The following COL4A2 variants were observed in gnomAD, a reference collection of about 807,000 sequenced individuals.
The protein encoded by COL4A2 is collagen alpha-2(IV) chain.
In COL4A2, 99 loss-of-function variants were observed where a neutral mutation model predicts 200.2. The observed-to-expected ratio is 0.49, with a 90% CI of 0.42 to 0.58. The LOEUF (loss-of-function observed/expected upper bound fraction) is 0.58. COL4A2 is among the 20% of genes least tolerant of loss of function. The pLI, the probability that COL4A2 is intolerant of heterozygous loss-of-function variation, is 0.00. For missense variants in COL4A2, 1,950 were observed against 2,314.1 expected (o/e 0.84, Z 3.23); for synonymous variants, 897 against 900.6 (o/e 1.00, Z 0.07).
At chr13:110,315,643 A>C (rs7321461) in intron 3 of COL4A2, among the ~76,000 whole-genome samples, 14,064 of 152,006 alleles carry the variant, frequency 0.093, 1,156 homozygotes, top group East Asian at 0.38. Flanking sequence ...TGATCCGCCT[A>C]CCTCAGCCTC....
chr13:110,505,167 G>A lies in COL4A2; in HGVS notation c.4402+903G>A, dbSNP rs191454257. The stretch of plus-strand genomic sequence containing the variant: ...AGATCGAGACCATCCTGGCTAACAC[G>A]GTGAAACCCCGTCTCTACTAAAAAT... On this transcript the variant is annotated intron_variant, in intron 45 of 47. Transcript: ENST00000360467. 8.9e-4 allele frequency among the ~76,000 whole-genome samples: 135 copies of A among 151,510 alleles called. 3 individuals carry two copies. Among genetic ancestry groups the A allele is most frequent in the South Asian group, 3.8e-3 (18 of 4,786 alleles).
chr13:110,427,176 C>T (rs1235086504), intron 6 of COL4A2, among the ~76,000 whole-genome samples: 1 of 152,182 alleles, frequency 6.6e-6, no homozygotes, highest in Non-Finnish European at 1.5e-5. Flanking sequence ...TGTTTTGAGA[C>T]AGAGTCTTGT....
chr13:110,427,772 T>G (rs1326096972), intron 6 of COL4A2, among the ~76,000 whole-genome samples: 2 of 152,236 alleles, frequency 1.3e-5, no homozygotes, highest in Non-Finnish European at 2.9e-5. Context: ...CTTGGCTGTG[T>G]TGCCTTTCCC....
intron 4 of COL4A2, among the ~76,000 whole-genome samples, chr13:110,398,997 A>G (rs1367385875): frequency 6.6e-6 from 1 of 152,154 alleles, no homozygotes; most frequent in East Asian, 1.9e-4. Flanking sequence ...TTTAGTTGTA[A>G]GAAGCTTTTT....
intron 37 of COL4A2, among the ~76,000 whole-genome samples, chr13:110,491,798 C>T (rs943202297): frequency 3.3e-5 from 5 of 152,210 alleles, no homozygotes; most frequent in Non-Finnish European, 7.3e-5. Context: ...AGGGTCCTCT[C>T]CAGACGTCTA....
intron 4 of COL4A2, among the ~76,000 whole-genome samples, chr13:110,375,902 T>G (rs1329159878): frequency 6.6e-6 from 1 of 152,092 alleles, no homozygotes; most frequent in Non-Finnish European, 1.5e-5. Context: ...TCCGTACAAG[T>G]TTTTATTCAT....
At chr13:110,341,900 G>A (rs570528967) in intron 3 of COL4A2, among the ~76,000 whole-genome samples, 4 of 152,324 alleles carry the variant, frequency 2.6e-5, no homozygotes, top group East Asian at 3.9e-4. Context: ...GGAAGTCCGC[G>A]TTTGTGGATG....
Position 110,386,037 on chromosome 13 carries a change from G to C in COL4A2, c.180+28485G>C, listed in dbSNP as rs1359836553. Reference sequence around the variant, plus strand: ...TGGATGGGCCGTGGTTACAGTGTGTGGATAGACCGTGGTTACGTTTTGTGG... The same window carrying C: ...TGGATGGGCCGTGGTTACAGTGTGTCGATAGACCGTGGTTACGTTTTGTGG... On this transcript the variant is annotated intron_variant, in intron 4 of 47. Transcript: ENST00000360467. Among the ~76,000 whole-genome samples the C allele has an allele frequency of 6.3e-4, 95 of 151,562 alleles. 5 individuals are homozygous for C. The highest frequency in any genetic ancestry group is 2.2e-3 in the African/African-American group (90 of 40,880).
chr13:110,352,982 G>A (rs867089129), intron 3 of COL4A2, among the ~76,000 whole-genome samples: 1 of 152,210 alleles, frequency 6.6e-6, no homozygotes, highest in Non-Finnish European at 1.5e-5. Context: ...CTTCAGTGGG[G>A]TCAGCAGCCA....
chr13:110,369,323 T>G (rs950509445), intron 4 of COL4A2, among the ~76,000 whole-genome samples: 7 of 152,216 alleles, frequency 4.6e-5, no homozygotes, highest in African/African-American at 1.7e-4. Context: ...CAGAACCCTT[T>G]TGAGCACCGA....
At chr13:110,370,698 CT>C (rs1452133458) in intron 4 of COL4A2, among the ~76,000 whole-genome samples, 1 of 152,190 alleles carries the variant, frequency 6.6e-6, no homozygotes, top group Non-Finnish European at 1.5e-5. Context: ...GCTACAGTTG[CT>C]GATGTGGAGA....
intron 3 of COL4A2, among the ~76,000 whole-genome samples, chr13:110,343,803 T>G (rs1229680636): frequency 6.6e-6 from 1 of 152,232 alleles, no homozygotes; most frequent in Non-Finnish European, 1.5e-5. Context: ...TCCATGCTTT[T>G]CAGATTTTTT....
At position 110,458,812 on chromosome 13, in the gene COL4A2, A is replaced by G. The variant is rs1187692110; in HGVS notation, c.1474A>G (p.Ile492Val). The change falls in exon 22 of 48, where the codon ATC becomes GTC. Residue 492 changes from isoleucine to valine, a missense_variant. By Grantham distance (29) the Ile-to-Val change is conservative. This residue lies in a region of COL4A2 where 1,385 missense variants were observed against 1,720.5 expected (regional missense o/e 0.80). Transcript: ENST00000360467. ...CAGATGTACAGAAGGCGACGAAGCTATCAAAGGTCTTCCGGGACTGCCAGG... is the reference window on the plus strand; with the variant it reads ...CAGATGTACAGAAGGCGACGAAGCTGTCAAAGGTCTTCCGGGACTGCCAGG... ...ECRCTEGDEA[I>V]KGLPGLPGPK... is the part of the protein sequence containing the mutation. The G allele has an allele frequency of 1.2e-6, 2 of 1,614,002 alleles. No individual in the cohort carries two copies. Among genetic ancestry groups the G allele is most frequent in the Non-Finnish European group, 1.7e-6 (2 of 1,179,974 alleles).
intron 28 of COL4A2, among the ~76,000 whole-genome samples, 169 bp downstream of exon 28, chr13:110,469,493 A>G (rs962395145): frequency 4.6e-5 from 7 of 152,216 alleles, no homozygotes; most frequent in African/African-American, 1.2e-4. Context: ...ATTTTTCATA[A>G]CTGATATTGT....
At chr13:110,327,708 C>G (rs150007004) in intron 3 of COL4A2, among the ~76,000 whole-genome samples, 2 of 152,266 alleles carry the variant, frequency 1.3e-5, no homozygotes, top group African/African-American at 2.4e-5. Context: ...GCATTAAAAT[C>G]CCCCCAACAG....
chr13:110,445,421 T>C (rs1881284903), intron 16 of COL4A2, among the ~76,000 whole-genome samples: 1 of 151,982 alleles, frequency 6.6e-6, no homozygotes, highest in South Asian at 2.1e-4. Flanking sequence ...ATGACTCACG[T>C]GGAGGAAACG....
intron 4 of COL4A2, among the ~76,000 whole-genome samples, chr13:110,373,238 A>G (rs1235998136): frequency 6.6e-6 from 1 of 152,198 alleles, no homozygotes; most frequent in East Asian, 1.9e-4. Flanking sequence ...CTGCCACCCA[A>G]CCAGTACCAA....
chr13:110,458,755 T>G lies in COL4A2; in HGVS notation c.1433-16T>G, dbSNP rs1370844430. 1 of 1,613,414 alleles carries G rather than the reference T, an allele frequency of 6.2e-7. No individual in the cohort carries two copies. The highest frequency in any genetic ancestry group is 8.5e-7 in the Non-Finnish European group (1 of 1,179,594). On this transcript the variant is annotated splice_polypyrimidine_tract_variant and intron_variant, in intron 21 of 47. Transcript: ENST00000360467. ...GGAATGCGGAACAAGGAGGCCCTCC[T>G]CTCCCTCCTCTGCAGGTGACGCTGG...
chr13:110,314,475 C>A (rs1385107344), intron 3 of COL4A2, among the ~76,000 whole-genome samples: 2 of 152,192 alleles, frequency 1.3e-5, no homozygotes, highest in African/African-American at 4.8e-5. Flanking sequence ...CAGAGGTAGA[C>A]CCAAGCGAAG....
Sources: gnomAD v4.1 joint callset for allele counts (sites outside exome capture counted in the v4.1 genomes callset) on GRCh38, gnomAD v4.1.1 for gene constraint, gnomAD v4.1.1 regional missense constraint, MANE v1.5 for transcripts, NCBI Gene and HGNC (gene_info 2026-07-23, HGNC 2026-07-21) for gene names.